The following CDH17 variants were observed in gnomAD, a reference collection of about 807,000 sequenced individuals.
CDH17 encodes the protein cadherin-17.
A neutral mutation model predicts 86.3 loss-of-function variants in CDH17; 67 were observed. The ratio of observed to expected loss-of-function variants is 0.78; its 90% CI spans 0.64 to 0.95. CDH17 has a LOEUF of 0.95. Ranked by LOEUF, CDH17 falls within the 40% of genes least tolerant of loss-of-function variation. The pLI, the probability that CDH17 is intolerant of heterozygous loss-of-function variation, is 0.00. For missense variants in CDH17, 993 were observed against 1,017.6 expected (o/e 0.98, Z 0.33); for synonymous variants, 367 against 366.4 (o/e 1.00, Z -0.02).
At position 94,189,214 on chromosome 8, in the gene CDH17, G is replaced by C. The variant is rs768426109; in HGVS notation, c.123C>G (p.Gly41=). The C allele has an allele frequency of 6.2e-7, 1 of 1,613,280 alleles. No individual in the cohort carries two copies. The highest frequency in any genetic ancestry group is 8.5e-7 in the Non-Finnish European group (1 of 1,179,682). ...GGAATATAATTTGACTCGGTTCTTGGCCTTCATAAATAGAAAATGTCATGG... is the reference window on the plus strand; with the variant it reads ...GGAATATAATTTGACTCGGTTCTTGCCCTTCATAAATAGAAAATGTCATGG... ...LKPMTFSIYE[G]QEPSQIIFQF... is the part of the protein sequence containing the mutation. Residue 41 remains glycine (G), a synonymous_variant, in exon 3 of 18, where the codon GGC becomes GGG. Transcript: ENST00000027335.
At chr8:94,128,675 C>T (rs1812350657) in intron 17 of CDH17, among the ~76,000 whole-genome samples, 1 of 152,190 alleles carries the variant, frequency 6.6e-6, no homozygotes, top group Non-Finnish European at 1.5e-5. Flanking sequence ...AAGCACCTGA[C>T]AAAGTTCCTG....
chr8:94,142,728 G>T (rs962120746), intron 15 of CDH17, among the ~76,000 whole-genome samples: 6 of 149,940 alleles, frequency 4.0e-5, no homozygotes, highest in Admixed American at 3.4e-4. Context: ...ACCAGAAGCA[G>T]ATTCCATTGT....
chr8:94,152,715 G>A (rs1237645267), intron 12 of CDH17, among the ~76,000 whole-genome samples: 2 of 152,176 alleles, frequency 1.3e-5, no homozygotes, highest in Non-Finnish European at 2.9e-5. Context: ...AAGTTTATCT[G>A]ACTCTCAGTT....
chr8:94,135,639 T>C (rs959666167), intron 15 of CDH17, among the ~76,000 whole-genome samples: 1 of 152,202 alleles, frequency 6.6e-6, no homozygotes, highest in African/African-American at 2.4e-5. Flanking sequence ...AATTGGGGCA[T>C]TTAGCCCATT....
intron 14 of CDH17, among the ~76,000 whole-genome samples, chr8:94,147,959 C>T (rs528795696): frequency 6.2e-4 from 94 of 152,284 alleles, no homozygotes; most frequent in Non-Finnish European, 1.1e-3. Context: ...ACAAGCTCCC[C>T]GGGGATTCTC....
intron 15 of CDH17, among the ~76,000 whole-genome samples, chr8:94,132,127 A>G (rs961487865): frequency 3.5e-4 from 53 of 152,204 alleles, no homozygotes; most frequent in African/African-American, 1.1e-3. Context: ...GAATAGTGCC[A>G]CAATAAACAT....
intron 2 of CDH17, among the ~76,000 whole-genome samples, chr8:94,192,613 A>T (rs1418622301): frequency 6.6e-6 from 1 of 152,190 alleles, no homozygotes; most frequent in Non-Finnish European, 1.5e-5. Flanking sequence ...GTCAAAGGAC[A>T]TGTGCAATTG....
intron 1 of CDH17, among the ~76,000 whole-genome samples, chr8:94,204,939 ATGT>A: frequency 6.6e-6 from 1 of 152,292 alleles, no homozygotes; most frequent in Non-Finnish European, 1.5e-5. Flanking sequence ...CACTTGCCTG[ATGT>A]TGTAACCCAT....
At chr8:94,146,220 A>C (rs954209462) in intron 14 of CDH17, 53 bp from the exon 15 acceptor site, 3 of 1,379,372 alleles carry the variant, frequency 2.2e-6, no homozygotes, top group Non-Finnish European at 2.8e-6. Flanking sequence ...TTTCCTCTTA[A>C]TAAGAAAGAT....
At position 94,190,833 on chromosome 8, in the gene CDH17, G is replaced by T. The variant is rs148100201; in HGVS notation, c.52-1548C>A. Reference sequence around the variant, plus strand: ...ATCAATATGCCAGTGATCAGAGAAAGGTCTTATGCTAGATCCCTCAGTCTG... The same window carrying T: ...ATCAATATGCCAGTGATCAGAGAAATGTCTTATGCTAGATCCCTCAGTCTG... On this transcript the variant is annotated intron_variant, in intron 2 of 17. Coordinates refer to ENST00000027335, the MANE Select transcript of CDH17 (RefSeq NM_004063.4). Among the ~76,000 whole-genome samples, 271 of 152,298 alleles carry T rather than the reference G, an allele frequency of 1.8e-3. 1 individual carries two copies. Among genetic ancestry groups the T allele is most frequent in the African/African-American group, 6.3e-3 (262 of 41,562 alleles).
chr8:94,173,610 A>C (rs923953842), intron 7 of CDH17, among the ~76,000 whole-genome samples, 187 bp downstream of exon 7: 14 of 152,206 alleles, frequency 9.2e-5, no homozygotes, highest in Non-Finnish European at 1.6e-4. Flanking sequence ...TCTGCATCCA[A>C]GTTGCCTGCC....
At chr8:94,179,482 A>G (rs1563581682) in intron 3 of CDH17, among the ~76,000 whole-genome samples, 1 of 152,240 alleles carries the variant, frequency 6.6e-6, no homozygotes, top group Non-Finnish European at 1.5e-5. Flanking sequence ...TATTCCTGGC[A>G]ATCTACAAGG....
At chr8:94,194,040 G>A (rs1231196417) in intron 2 of CDH17, among the ~76,000 whole-genome samples, 4 of 151,800 alleles carry the variant, frequency 2.6e-5, no homozygotes, top group South Asian at 2.1e-4. Flanking sequence ...CAGCAGTCAC[G>A]TAGATTTTAA....
At chr8:94,160,731 G>C (rs996068177) in intron 11 of CDH17, among the ~76,000 whole-genome samples, 2 of 152,202 alleles carry the variant, frequency 1.3e-5, no homozygotes, top group African/African-American at 4.8e-5. Flanking sequence ...TGGGTGTTAA[G>C]GGAGACAATG....
chr8:94,138,753 G>A (rs186573749), intron 15 of CDH17, among the ~76,000 whole-genome samples: 1 of 152,148 alleles, frequency 6.6e-6, no homozygotes, highest in Non-Finnish European at 1.5e-5. Flanking sequence ...CATAATTCAT[G>A]TGCTACCAGG....
intron 12 of CDH17, among the ~76,000 whole-genome samples, chr8:94,153,955 A>G (rs1812902810): frequency 6.6e-6 from 1 of 152,214 alleles, no homozygotes; most frequent in South Asian, 2.1e-4. Flanking sequence ...TGAGTTTAAA[A>G]TATCTATTTT....
At chr8:94,167,527 G>T (rs2130630457) in intron 9 of CDH17, among the ~76,000 whole-genome samples, 1 of 152,316 alleles carries the variant, frequency 6.6e-6, no homozygotes, top group East Asian at 1.9e-4. Context: ...TGCCTCATGG[G>T]CTGCATGCAG....
chr8:94,188,740 G>T (rs888301998), intron 3 of CDH17, among the ~76,000 whole-genome samples: 1 of 152,150 alleles, frequency 6.6e-6, no homozygotes, highest in Admixed American at 6.5e-5. Context: ...CCACATGGGG[G>T]CTCAGAGAAG....
At chr8:94,212,678 G>A (rs986334967), upstream of CDH17, among the ~76,000 whole-genome samples, 1 of 152,232 alleles carries the variant, frequency 6.6e-6, no homozygotes, top group Non-Finnish European at 1.5e-5. Flanking sequence ...ATTTAAGGAA[G>A]ATAGTTTGAG....
Sources: gnomAD v4.1 joint callset for allele counts (sites outside exome capture counted in the v4.1 genomes callset) on GRCh38, gnomAD v4.1.1 for gene constraint, MANE v1.5 for transcripts, NCBI Gene and HGNC (gene_info 2026-07-23, HGNC 2026-07-21) for gene names.